ZNF516: variants seen among roughly 807,000 people sequenced by gnomAD.
ZNF516 encodes the protein zinc finger protein 516.
ZNF516 carries 19 observed loss-of-function variants against 79.7 expected under a neutral mutation model. The observed-to-expected ratio is 0.24, with a 90% CI of 0.17 to 0.35. The LOEUF (loss-of-function observed/expected upper bound fraction) is 0.35. ZNF516 is among the 10% of genes least tolerant of loss of function. The pLI, the probability that ZNF516 is intolerant of heterozygous loss-of-function variation, is 1.00. For missense variants in ZNF516, 1,678 were observed against 1,679.5 expected (o/e 1.00, Z 0.02); for synonymous variants, 877 against 739.5 (o/e 1.19, Z -3.02).
chr18:76,378,197 G>A (rs1256513746), intron 4 of ZNF516: 2 of 152,234 alleles, frequency 1.3e-5, no homozygotes, highest in East Asian at 3.8e-4. Flanking sequence ...GGAGCAGGAG[G>A]AAAGCTAGCA....
At chr18:76,403,240 C>T (rs1599033918) in intron 3 of ZNF516, among the ~76,000 whole-genome samples, 1 of 152,344 alleles carries the variant, frequency 6.6e-6, no homozygotes, top group African/African-American at 2.4e-5. Context: ...CCCGTTAAGA[C>T]ACTTCCCTTG....
At chr18:76,401,575 T>C (rs988456864) in intron 3 of ZNF516, among the ~76,000 whole-genome samples, 1 of 152,124 alleles carries the variant, frequency 6.6e-6, no homozygotes, top group East Asian at 1.9e-4. Flanking sequence ...TCCGAGGCCA[T>C]CTCCGAAACG....
chr18:76,440,367 C>G, intron 3 of ZNF516, among the ~76,000 whole-genome samples: 1 of 152,244 alleles, frequency 6.6e-6, no homozygotes, highest in Non-Finnish European at 1.5e-5. Flanking sequence ...TTCTATCACT[C>G]TTAACAGTCC....
At chr18:76,415,414 A>G (rs1599052309) in intron 3 of ZNF516, among the ~76,000 whole-genome samples, 1 of 152,132 alleles carries the variant, frequency 6.6e-6, no homozygotes, top group African/African-American at 2.4e-5. Context: ...TAACTTTACT[A>G]GATGTGAATT....
At chr18:76,363,284 T>G (rs41506447) in intron 6 of ZNF516, among the ~76,000 whole-genome samples, 24,113 of 152,202 alleles carry the variant, frequency 0.16, 2,139 homozygotes, top group African/African-American at 0.24. Context: ...AGCTAAAATC[T>G]TGATGAAGTG....
At chr18:76,370,709 C>G (rs1023467003) in intron 5 of ZNF516, 114 bp from the exon 6 acceptor site, 2 of 856,446 alleles carry the variant, frequency 2.3e-6, no homozygotes, top group African/African-American at 3.5e-5. Context: ...AGCGCCTAGC[C>G]TGTGGCTGGA....
At chr18:76,465,029 G>A (rs949252949) in intron 1 of ZNF516, among the ~76,000 whole-genome samples, 3 of 152,204 alleles carry the variant, frequency 2.0e-5, no homozygotes, top group African/African-American at 4.8e-5. Context: ...GAGGGGAGCC[G>A]CCAGAGGAGA....
chr18:76,407,173 GAAGGCCAAGGCAGCCTTCCA>G (rs1288604103), intron 3 of ZNF516, among the ~76,000 whole-genome samples: 1 of 152,086 alleles, frequency 6.6e-6, no homozygotes, highest in African/African-American at 2.4e-5. Context: ...CAACACTCTG[GAAGGCCAAGGCAGCCTTCCA>G]AAGGCCAAGG....
intron 2 of ZNF516, among the ~76,000 whole-genome samples, chr18:76,455,266 G>T (rs1244852729): frequency 6.6e-6 from 1 of 152,176 alleles, no homozygotes; most frequent in African/African-American, 2.4e-5. Flanking sequence ...GAACAGTCAC[G>T]GGTTTACGCA....
chr18:76,437,716 C>T (rs991638280), intron 3 of ZNF516, among the ~76,000 whole-genome samples: 3 of 152,110 alleles, frequency 2.0e-5, no homozygotes, highest in African/African-American at 7.2e-5. Flanking sequence ...CTCTAGATTA[C>T]TTATAATAAT....
chr18:76,441,559 G>C lies in ZNF516; in HGVS notation c.1496C>G (p.Ala499Gly). The C allele has an allele frequency of 6.7e-7, 1 of 1,485,310 alleles. No homozygotes were observed. The highest frequency in any genetic ancestry group is 1.3e-5 in the South Asian group (1 of 76,764). 92.0% of individuals were successfully genotyped at this position (1,485,310 alleles called of 1,614,324 possible). ...PAGHLDPRSA[A>G]RPNRRAAATT... is the part of the protein sequence containing the mutation. ...GGCTGCGGCCCTGCGGTTGGGGCGC[G>C]CGGCCGAGCGGGGATCGAGGTGGCC... Residue 499 changes from alanine to glycine, a missense_variant, in exon 3 of 7, where the codon GCG becomes GGG. By Grantham distance (60) the Ala-to-Gly change is moderately conservative. Coordinates refer to ENST00000443185, the MANE Select transcript of ZNF516 (RefSeq NM_014643.4).
chr18:76,418,596 G>A (rs2034707483), intron 3 of ZNF516, among the ~76,000 whole-genome samples: 1 of 151,884 alleles, frequency 6.6e-6, no homozygotes, highest in South Asian at 2.1e-4. Context: ...GGTCACTGAT[G>A]CAAACATACA....
In ZNF516 at chr18:76,379,898, G is replaced by C; in HGVS notation, c.2216C>G (p.Ser739Trp). 1 of 1,613,922 alleles carries C rather than the reference G, an allele frequency of 6.2e-7. No individual in the cohort carries two copies. Among genetic ancestry groups the C allele is most frequent in the Non-Finnish European group, 8.5e-7 (1 of 1,179,868 alleles). The change falls in exon 4 of 7, where the codon TCG (serine) becomes TGG (tryptophan). Residue 739 changes from serine to tryptophan, a missense_variant. Transcript: ENST00000443185. ...DLMPLDLSAR[S>W]TRDDPSNKET... Reference sequence around the variant, plus strand: ...CTTATTGCTGGGGTCATCCCGCGTCGACCTCGCACTTAAATCTAGCGGCAT... The same window carrying C: ...CTTATTGCTGGGGTCATCCCGCGTCCACCTCGCACTTAAATCTAGCGGCAT...
chr18:76,482,870 T>C (rs1172793949), intron 1 of ZNF516, among the ~76,000 whole-genome samples: 1 of 152,242 alleles, frequency 6.6e-6, no homozygotes, highest in Non-Finnish European at 1.5e-5. Flanking sequence ...CATAAATGAC[T>C]ACACTGATTA....
At position 76,444,990 on chromosome 18, in the gene ZNF516, C is replaced by CA. The variant is rs76705643; in HGVS notation, c.-157-1780dup. Among the ~76,000 whole-genome samples, 89 of 152,340 alleles carry CA rather than the reference C, an allele frequency of 5.8e-4. 1 individual carries two copies. The East Asian group carries it at 0.017, about 29-fold the overall frequency. On this transcript the variant is annotated intron_variant, in intron 2 of 6. Coordinates refer to ENST00000443185, the MANE Select transcript of ZNF516 (RefSeq NM_014643.4). ...CAGCAGCAAATGAAAAGCAGCAACA[C>CA]AGAGGTTCTGCTCCTTCCTCCAGGA...
chr18:76,478,336 T>C (rs1718860653), intron 1 of ZNF516, among the ~76,000 whole-genome samples: 1 of 152,204 alleles, frequency 6.6e-6, no homozygotes, highest in Non-Finnish European at 1.5e-5. Flanking sequence ...GGGTTTTCAC[T>C]CCAGGTATTC....
At chr18:76,409,090 A>G (rs1195418001) in intron 3 of ZNF516, among the ~76,000 whole-genome samples, 2 of 152,256 alleles carry the variant, frequency 1.3e-5, no homozygotes, top group African/African-American at 4.8e-5. Flanking sequence ...TCATTTATAT[A>G]TAAAATCTCC....
At chr18:76,389,927 G>A (rs750858904) in intron 3 of ZNF516, among the ~76,000 whole-genome samples, 43 of 152,158 alleles carry the variant, frequency 2.8e-4, no homozygotes, top group Non-Finnish European at 5.3e-4. Context: ...CTGTGGTCCC[G>A]AGCGATAGTG....
In ZNF516 at chr18:76,442,400, T is replaced by C; in HGVS notation, c.655A>G (p.Ile219Val). The change falls in exon 3 of 7, where the codon ATC becomes GTC. Residue 219 changes from isoleucine to valine, a missense_variant. Physicochemically the swap from Ile to Val is conservative, Grantham distance 29 (BLOSUM62 3). Transcript: ENST00000443185. Reference protein sequence around the residue: ...TLREESLLSHIERDHITAQGP... With the variant: ...TLREESLLSHVERDHITAQGP... ...TGCGCGGTGATGTGGTCCCTCTCGA[T>C]GTGGCTCAGCAGCGACTCCTCCCGC... 1 of 1,608,264 alleles carries C rather than the reference T, an allele frequency of 6.2e-7. No homozygotes were observed.
Sources: allele counts gnomAD v4.1 joint callset (sites outside exome capture counted in the v4.1 genomes callset), GRCh38; gene constraint gnomAD v4.1.1; transcripts MANE v1.5; gene names NCBI Gene and HGNC (gene_info 2026-07-23, HGNC 2026-07-21).